PDS5B: variants seen among roughly 807,000 people sequenced by gnomAD.
PDS5B encodes sister chromatid cohesion protein PDS5 homolog B.
A neutral mutation model predicts 184.1 loss-of-function variants in PDS5B; 51 were observed. The observed-to-expected ratio is 0.28, with a 90% CI of 0.22 to 0.35. The LOEUF (loss-of-function observed/expected upper bound fraction) is 0.35. Ranked by LOEUF, PDS5B falls within the 10% of genes least tolerant of loss-of-function variation. The probability of loss-of-function intolerance (pLI) is 1.00; values close to 1 mark genes in which losing one functional copy is unlikely to be tolerated. For synonymous variants in PDS5B, 566 were observed against 569.2 expected, an observed-to-expected ratio of 0.99 and a Z score of 0.08; for missense variants, 1,180 against 1,723.3, an observed-to-expected ratio of 0.68 and a Z score of 5.58.
intron 19 of PDS5B, among the ~76,000 whole-genome samples, chr13:32,720,686 T>G (rs967055921): frequency 2.0e-5 from 3 of 152,024 alleles, no homozygotes; most frequent in Non-Finnish European, 4.4e-5. Context: ...GGGTGTTTCT[T>G]GGAGAGGGGG....
intron 1 of PDS5B, among the ~76,000 whole-genome samples, chr13:32,616,270 G>A (rs549704937): frequency 4.6e-5 from 7 of 152,068 alleles, no homozygotes; most frequent in Non-Finnish European, 8.8e-5. Context: ...GGCCAGGCTG[G>A]TCTCGAACTC....
chr13:32,648,694 G>A (rs2301389), intron 1 of PDS5B, 60 bp from the exon 2 acceptor site: 275,990 of 711,878 alleles, frequency 0.39, 56,532 homozygotes, highest in Non-Finnish European at 0.44. Flanking sequence ...TACCATTTAT[G>A]TTTGTTAAGA....
chr13:32,758,059 TTTC>T, intron 26 of PDS5B, 25 bp from the exon 27 acceptor site: 1 of 1,081,084 alleles, frequency 9.2e-7, no homozygotes, highest in Non-Finnish European at 1.3e-6. Context: ...TTCTTCTATA[TTTC>T]TTTTTTCCTT....
intron 19 of PDS5B, among the ~76,000 whole-genome samples, chr13:32,726,015 T>C (rs1489904599): frequency 1.3e-5 from 2 of 152,148 alleles, no homozygotes; most frequent in Admixed American, 6.5e-5. Context: ...GGTCGCTCTT[T>C]TAAAATTTAA....
At chr13:32,752,493 T>C (rs1954021374) in intron 24 of PDS5B, among the ~76,000 whole-genome samples, 1 of 152,182 alleles carries the variant, frequency 6.6e-6, no homozygotes, top group Admixed American at 6.6e-5. Flanking sequence ...ATAATTCTTT[T>C]CTTCAAGGAA....
At position 32,777,369 on chromosome 13, in the gene PDS5B, G is replaced by A. The variant is rs187110867; in HGVS notation, c.*2317G>A. 15 of 63,576 alleles carry A rather than the reference G, an allele frequency of 2.4e-4. No individual in the cohort carries two copies. In the East Asian group the frequency reaches 3.7e-3, roughly 16 times the overall value. The allele number at this position is 63,576 out of a possible 1,614,324, so 3.9% of individuals were successfully genotyped here. A position where few individuals can be genotyped will look rare whatever the true frequency, so the allele number is the denominator to read the frequency against. On this transcript the variant is annotated 3_prime_UTR_variant, in exon 35 of 35. Coordinates refer to ENST00000315596, the MANE Select transcript of PDS5B (RefSeq NM_015032.4). ...TTTCTTTCTTTTTTTTTTTTTTTGT[G>A]TAGAAAAATAGGTGCAATAATGATC... is the stretch of plus-strand genomic sequence containing the variant.
chr13:32,599,414 G>A (rs1277180652), intron 1 of PDS5B, among the ~76,000 whole-genome samples: 2 of 151,718 alleles, frequency 1.3e-5, no homozygotes, highest in Non-Finnish European at 2.9e-5. Context: ...ACAGGTGCAC[G>A]CCACCATGCC....
At chr13:32,753,639 A>T (rs936549841) in intron 25 of PDS5B, 103 bp downstream of exon 25, 1 of 725,384 alleles carries the variant, frequency 1.4e-6, no homozygotes, top group African/African-American at 1.8e-5. Flanking sequence ...ATTATTTGTG[A>T]TTAACAATTT....
At chr13:32,716,664 T>G (rs866802597) in intron 19 of PDS5B, among the ~76,000 whole-genome samples, 16 of 94,526 alleles carry the variant, frequency 1.7e-4, no homozygotes, top group Admixed American at 3.0e-4. Context: ...GGGAGGGAGG[T>G]GGGGGGGGTC....
chr13:32,713,216 T>G (rs933153634), intron 19 of PDS5B, among the ~76,000 whole-genome samples: 1 of 152,218 alleles, frequency 6.6e-6, no homozygotes, highest in African/African-American at 2.4e-5. Flanking sequence ...AACTGTAGCC[T>G]GAGTTGGGAG....
At chr13:32,708,155 C>T (rs1030382271) in intron 18 of PDS5B, among the ~76,000 whole-genome samples, 2 of 152,160 alleles carry the variant, frequency 1.3e-5, no homozygotes, top group Admixed American at 1.3e-4. Flanking sequence ...AGCTACAACT[C>T]TCTGCACCCT....
In PDS5B at chr13:32,692,414, C is replaced by CTTTTTTTTTTTTTTTTTTTTTTTTT. The variant is rs1593440334; in HGVS notation, c.1470-1809_1470-1808insTTTTTTTTTTTTTTTTTTTTTTTTT. Reference sequence around the variant, plus strand: ...ATTAAACAAGTTTGCGTCCAAAAAGCCTTTTTTTTTTTTTTTTTTTTTTTT... The same window carrying CTTTTTTTTTTTTTTTTTTTTTTTTT: ...ATTAAACAAGTTTGCGTCCAAAAAGCTTTTTTTTTTTTTTTTTTTTTTTTTCTTTTTTTTTTTTTTTTTTTTTTTT... On this transcript the variant is annotated intron_variant, in intron 13 of 34. Coordinates refer to ENST00000315596, the MANE Select transcript of PDS5B (RefSeq NM_015032.4). Among the ~76,000 whole-genome samples, 22 of 69,152 alleles carry CTTTTTTTTTTTTTTTTTTTTTTTTT rather than the reference C, an allele frequency of 3.2e-4. 11 individuals carry two copies. Among genetic ancestry groups the CTTTTTTTTTTTTTTTTTTTTTTTTT allele is most frequent in the Non-Finnish European group, 3.9e-4 (14 of 35,740 alleles). The allele number at this position is 69,152 out of a possible 152,430, so 45.4% of individuals were successfully genotyped here. A position where few individuals can be genotyped will look rare whatever the true frequency, so the allele number is the denominator to read the frequency against.
intron 19 of PDS5B, among the ~76,000 whole-genome samples, chr13:32,713,773 T>C (rs1952280281): frequency 6.6e-6 from 1 of 152,202 alleles, no homozygotes; most frequent in South Asian, 2.1e-4. Flanking sequence ...TTGTTCTGAA[T>C]GATTTAAAAT....
chr13:32,699,837 A>G lies in PDS5B; in HGVS notation c.1708A>G (p.Thr570Ala), dbSNP rs778143977. 5 of 1,575,730 alleles carry G rather than the reference A, an allele frequency of 3.2e-6. No individual in the cohort carries two copies. The highest frequency in any genetic ancestry group is 3.4e-6 in the Non-Finnish European group (4 of 1,165,194). Residue 570 changes from threonine to alanine, a missense_variant, in exon 16 of 35, where the codon ACA (threonine) becomes GCA (alanine). Thr to Ala is a moderately conservative substitution (Grantham distance 58). Coordinates refer to ENST00000315596, the MANE Select transcript of PDS5B (RefSeq NM_015032.4). ...RKQLEVLVSP[T>A]CSCKQAEGCV... ...GCAGTTAGAAGTACTTGTTAGTCCA[A>G]CATGCTCCTGCAAGCAGGCTGAAGG...
chr13:32,665,635 C>T (rs1190872823), intron 6 of PDS5B, among the ~76,000 whole-genome samples: 1 of 133,738 alleles, frequency 7.5e-6, no homozygotes, highest in Admixed American at 7.6e-5. Flanking sequence ...ATCTTTACAA[C>T]CTCAAGATAG....
chr13:32,634,306 A>C (rs1024562137), intron 1 of PDS5B, among the ~76,000 whole-genome samples: 2 of 152,226 alleles, frequency 1.3e-5, no homozygotes, highest in African/African-American at 4.8e-5. Context: ...AATTTCTTTT[A>C]TAACACCTTC....
intron 20 of PDS5B, among the ~76,000 whole-genome samples, 156 bp from the exon 21 acceptor site, chr13:32,735,012 CTACT>C (rs988184623): frequency 5.3e-5 from 8 of 152,102 alleles, no homozygotes; most frequent in African/African-American, 1.4e-4. Context: ...TCTTGAGTTA[CTACT>C]TATACTATGT....
chr13:32,742,812 C>CTTTTTT, intron 23 of PDS5B, 85 bp downstream of exon 23: 2 of 1,108,216 alleles, frequency 1.8e-6, no homozygotes, highest in Non-Finnish European at 2.6e-6. Flanking sequence ...GTTTCTTTTT[C>CTTTTTT]TTTTTTTTTT....
chr13:32,724,315 A>C (rs1952821398), intron 19 of PDS5B, among the ~76,000 whole-genome samples: 1 of 151,828 alleles, frequency 6.6e-6, no homozygotes, highest in Admixed American at 6.6e-5. Flanking sequence ...GGAGTCTCTC[A>C]TTATGTTGCC....
Sources: gnomAD v4.1 joint callset for allele counts (sites outside exome capture counted in the v4.1 genomes callset) on GRCh38, gnomAD v4.1.1 for gene constraint, MANE v1.5 for transcripts, NCBI Gene and HGNC (gene_info 2026-07-23, HGNC 2026-07-21) for gene names.